Variants in OXR1 observed in about 807,000 individuals in gnomAD.
The protein encoded by OXR1 is oxidation resistance 1, also known as oxidation resistance protein 1.
Under a neutral mutation model 104.6 loss-of-function variants are expected in OXR1, and 41 were observed. The observed-to-expected ratio is 0.39, with a 90% CI of 0.31 to 0.51. The LOEUF is 0.51. Ranked by LOEUF, OXR1 falls within the 20% of genes least tolerant of loss-of-function variation. OXR1 has a pLI of 0.77. For missense variants in OXR1, 955 were observed against 1,031.9 expected (o/e 0.93, Z 1.02); for synonymous variants, 348 against 348.4 (o/e 1.00, Z 0.01).
In OXR1 at chr8:106,341,353, C is replaced by G. The variant is rs1815238588; in HGVS notation, c.-138-18123C>G. On this transcript the variant is annotated intron_variant, in intron 1 of 16. Transcript: ENST00000517566. ...TAGTACATCTTTTTAGAAATACTTACATATTGATTTCCTCATTTATTCAAT... is the reference window on the plus strand; with the variant it reads ...TAGTACATCTTTTTAGAAATACTTAGATATTGATTTCCTCATTTATTCAAT... 2.7e-5 allele frequency among the ~76,000 whole-genome samples: 4 copies of G among 149,760 alleles called. No homozygotes were observed. In the Admixed American group the frequency reaches 2.7e-4, roughly 10 times the overall value.
At chr8:106,332,067 C>G (rs965722206) in intron 1 of OXR1, among the ~76,000 whole-genome samples, 4 of 149,298 alleles carry the variant, frequency 2.7e-5, no homozygotes, top group African/African-American at 5.0e-5. Context: ...TCCCCATCCT[C>G]AGCATACTAG....
intron 2 of OXR1, among the ~76,000 whole-genome samples, chr8:106,410,959 C>G (rs1028562697): frequency 6.6e-6 from 1 of 152,020 alleles, no homozygotes; most frequent in African/African-American, 2.4e-5. Context: ...ATTTAATACA[C>G]CATTATTGAG....
intron 2 of OXR1, among the ~76,000 whole-genome samples, chr8:106,446,631 C>A (rs2130602536): frequency 6.6e-6 from 1 of 150,494 alleles, no homozygotes; most frequent in South Asian, 2.1e-4. Context: ...AAAAAAAAAA[C>A]TAAAAAATCA....
intron 11 of OXR1, among the ~76,000 whole-genome samples, chr8:106,733,297 A>G (rs747393373): frequency 6.6e-5 from 10 of 152,128 alleles, no homozygotes; most frequent in Non-Finnish European, 7.3e-5. Context: ...TATTCTTTTA[A>G]TATCCATGGG....
At chr8:106,482,612 T>C (rs1355652028) in intron 2 of OXR1, among the ~76,000 whole-genome samples, 1 of 152,076 alleles carries the variant, frequency 6.6e-6, no homozygotes, top group Non-Finnish European at 1.5e-5. Flanking sequence ...ATGATGTAAT[T>C]AATAAATATG....
chr8:106,596,673 GGT>G (rs1011256494), intron 3 of OXR1, among the ~76,000 whole-genome samples: 1 of 152,064 alleles, frequency 6.6e-6, no homozygotes, highest in Admixed American at 6.5e-5. Context: ...AGAGGAGGTT[GGT>G]GTTTTTTTAA....
At chr8:106,661,576 C>T (rs980833512) in intron 3 of OXR1, among the ~76,000 whole-genome samples, 3 of 152,154 alleles carry the variant, frequency 2.0e-5, no homozygotes, top group African/African-American at 7.2e-5. Context: ...GTACTCACTT[C>T]ACTAGATTAT....
chr8:106,742,104 A>G (rs1834967856), intron 14 of OXR1, 118 bp from the exon 15 acceptor site: 1 of 637,710 alleles, frequency 1.6e-6, no homozygotes, highest in Non-Finnish European at 2.8e-6. Flanking sequence ...AAGTATGATT[A>G]GATTAAACTA....
intron 3 of OXR1, among the ~76,000 whole-genome samples, chr8:106,604,230 A>G (rs1408360404): frequency 6.6e-6 from 1 of 152,198 alleles, no homozygotes; most frequent in Non-Finnish European, 1.5e-5. Flanking sequence ...ATATTTTCAA[A>G]CACCTTTTAA....
At chr8:106,679,043 C>G (rs28921395) in intron 3 of OXR1, among the ~76,000 whole-genome samples, 167 bp from the exon 4 acceptor site, 4 of 151,898 alleles carry the variant, frequency 2.6e-5, no homozygotes, top group African/African-American at 7.2e-5. Context: ...GTAGGAAGTT[C>G]AGTTCCTTTT....
intron 6 of OXR1, among the ~76,000 whole-genome samples, chr8:106,688,024 C>G (rs1293279140): frequency 6.6e-6 from 1 of 152,102 alleles, no homozygotes; most frequent in Non-Finnish European, 1.5e-5. Flanking sequence ...TAATAGCTAC[C>G]ATTTCGCACT....
chr8:106,277,841 A>AATTC (rs1812119136), intron 1 of OXR1, among the ~76,000 whole-genome samples: 1 of 152,174 alleles, frequency 6.6e-6, no homozygotes, highest in Non-Finnish European at 1.5e-5. Context: ...TGTTCCTAGA[A>AATTC]ATTCCAGCAA....
chr8:106,523,215 C>G (rs1813387242), intron 3 of OXR1, among the ~76,000 whole-genome samples: 2 of 152,174 alleles, frequency 1.3e-5, no homozygotes, highest in South Asian at 4.1e-4. Context: ...CCTCAACCAA[C>G]CAAGAATACT....
chr8:106,683,080 A>G, intron 4 of OXR1, 119 bp from the exon 5 acceptor site: 3 of 538,240 alleles, frequency 5.6e-6, no homozygotes, highest in South Asian at 2.9e-5. Context: ...TTCAAAGATG[A>G]CAATACCAGT....
chr8:106,503,527 G>T (rs73699516), intron 2 of OXR1, among the ~76,000 whole-genome samples: 144 of 152,292 alleles, frequency 9.5e-4, no homozygotes, highest in African/African-American at 3.4e-3. Context: ...TAAGGGTAAG[G>T]GGTGAGGGAT....
intron 3 of OXR1, among the ~76,000 whole-genome samples, chr8:106,641,080 C>T (rs1431543087): frequency 6.6e-6 from 1 of 152,208 alleles, no homozygotes; most frequent in Non-Finnish European, 1.5e-5. Flanking sequence ...ATGCTAATGA[C>T]ATTTACAACA....
intron 1 of OXR1, among the ~76,000 whole-genome samples, chr8:106,323,185 T>C (rs1377135559): frequency 6.6e-6 from 1 of 152,240 alleles, no homozygotes; most frequent in Non-Finnish European, 1.5e-5. Context: ...GGTACAAAAA[T>C]TGGCACATAC....
intron 2 of OXR1, among the ~76,000 whole-genome samples, chr8:106,434,694 C>T (rs1480639124): frequency 6.6e-6 from 1 of 152,134 alleles, no homozygotes; most frequent in Non-Finnish European, 1.5e-5. Context: ...TTAATCTAAA[C>T]TTTACTTCTA....
At chr8:106,386,093 G>A (rs1211403899) in intron 2 of OXR1, among the ~76,000 whole-genome samples, 1 of 149,360 alleles carries the variant, frequency 6.7e-6, no homozygotes, top group Non-Finnish European at 1.5e-5. Flanking sequence ...CAGCAGCAAG[G>A]TTTCCTCTAG....
Sources: gnomAD v4.1 joint callset for allele counts (sites outside exome capture counted in the v4.1 genomes callset) on GRCh38, gnomAD v4.1.1 for gene constraint, MANE v1.5 for transcripts, NCBI Gene and HGNC (gene_info 2026-07-23, HGNC 2026-07-21) for gene names.